Variants in BNIP5 observed in about 807,000 individuals in gnomAD.
BNIP5 encodes protein BNIP5.
Under a neutral mutation model 67.3 loss-of-function variants are expected in BNIP5, and 61 were observed. The observed-to-expected ratio is 0.91, with a 90% CI of 0.74 to 1.12. The LOEUF (loss-of-function observed/expected upper bound fraction) is 1.12. BNIP5 is among the 50% of genes most tolerant of loss of function. BNIP5 has a pLI of 0.00. For synonymous variants in BNIP5, 317 were observed against 319.0 expected (o/e 0.99, Z 0.07); for missense variants, 826 against 816.3 (o/e 1.01, Z -0.14).
chr6:36,333,013 A>G (rs1053012523), intron 1 of BNIP5, among the ~76,000 whole-genome samples: 1 of 152,228 alleles, frequency 6.6e-6, no homozygotes, highest in African/African-American at 2.4e-5. Flanking sequence ...AATGTATTCT[A>G]TTGCTATGCT....
At chr6:36,332,722 C>A (rs1771934823) in intron 1 of BNIP5, among the ~76,000 whole-genome samples, 1 of 152,116 alleles carries the variant, frequency 6.6e-6, no homozygotes, top group Non-Finnish European at 1.5e-5. Flanking sequence ...CCTTTCCCAC[C>A]TGGGCAGCAT....
At position 36,317,014 on chromosome 6, in the gene BNIP5, C is replaced by A. The variant is rs1003524147; in HGVS notation, c.*342G>T. 1 of 431,728 alleles carries A rather than the reference C, an allele frequency of 2.3e-6. No homozygotes were observed. The highest frequency in any genetic ancestry group is 4.1e-6 in the Non-Finnish European group (1 of 246,132). The allele number at this position is 431,728 out of a possible 1,614,324, so 26.7% of individuals were successfully genotyped here. A position where few individuals can be genotyped will look rare whatever the true frequency, so the allele number is the denominator to read the frequency against. ...GAACATCTGAGAAAATATCAGTAGG[C>A]CTTCTGGGTGGGATCCTAGACTCCA... On this transcript the variant is annotated 3_prime_UTR_variant, in exon 12 of 12. Transcript: ENST00000437635.
At chr6:36,323,972 C>T (rs1582126618) in intron 7 of BNIP5, among the ~76,000 whole-genome samples, 157 bp downstream of exon 7, 1 of 150,022 alleles carries the variant, frequency 6.7e-6, no homozygotes, top group East Asian at 2.0e-4. Flanking sequence ...TGTGCTTTAG[C>T]CTGGGCGACA....
intron 1 of BNIP5, among the ~76,000 whole-genome samples, chr6:36,335,165 G>T (rs1771986286): frequency 6.6e-6 from 1 of 152,220 alleles, no homozygotes; most frequent in Admixed American, 6.5e-5. Flanking sequence ...CAAGCTTGCT[G>T]CTGTGTGTTG....
In BNIP5 at chr6:36,323,373, G is replaced by C. The variant is rs773921580; in HGVS notation, c.1391C>G (p.Pro464Arg). The C allele has an allele frequency of 2.5e-6, 4 of 1,614,160 alleles. No individual in the cohort carries two copies. The highest frequency in any genetic ancestry group is 1.3e-5 in the African/African-American group (1 of 74,958). Residue 464 changes from proline (P) to arginine (R), a missense_variant, in exon 8 of 12, where the codon CCA (proline) becomes CGA (arginine). By Grantham distance (103) the Pro-to-Arg change is moderately radical. Coordinates refer to ENST00000437635, the MANE Select transcript of BNIP5 (RefSeq NM_001010903.5). ...RRAGAAGAAS[P>R]EARRPKRPSF... ...GGGCCTCTTGGGTCGTCGGGCCTCT[G>C]GGCTGGCAGCCCCTGCTGCCCCCGC...
chr6:36,322,711 C>T (rs1352127651), intron 8 of BNIP5, among the ~76,000 whole-genome samples: 2 of 152,188 alleles, frequency 1.3e-5, no homozygotes, highest in Admixed American at 6.5e-5. Flanking sequence ...CAAATGAACC[C>T]TTTCCCTCTG....
At chr6:36,326,252 C>T (rs73729943) in intron 5 of BNIP5, among the ~76,000 whole-genome samples, 68 of 152,300 alleles carry the variant, frequency 4.5e-4, no homozygotes, top group Middle Eastern at 3.4e-3. Flanking sequence ...GAAATGTTGA[C>T]GGTTGGGAAA....
intron 9 of BNIP5, among the ~76,000 whole-genome samples, chr6:36,321,704 T>C (rs1380041325): frequency 6.6e-6 from 1 of 152,204 alleles, no homozygotes; most frequent in South Asian, 2.1e-4. Context: ...TTCAGGAAAT[T>C]TGTGGACTAG....
At chr6:36,322,805 T>C (rs1025336368) in intron 8 of BNIP5, among the ~76,000 whole-genome samples, 7 of 152,120 alleles carry the variant, frequency 4.6e-5, no homozygotes, top group African/African-American at 1.4e-4. Flanking sequence ...CCTCACAGGG[T>C]TGCAAGCAGG....
chr6:36,334,125 G>C (rs1771963351), intron 1 of BNIP5, among the ~76,000 whole-genome samples: 1 of 152,234 alleles, frequency 6.6e-6, no homozygotes, highest in African/African-American at 2.4e-5. Context: ...AGGACACGCT[G>C]CTCCTCCTGA....
rs1771518955 is a variant in BNIP5, at chr6:36,316,522, A to G, written c.*834T>C. 1 of 398,688 alleles carries G rather than the reference A, an allele frequency of 2.5e-6. No individual in the cohort carries two copies. The allele number at this position is 398,688 out of a possible 1,614,324, so 24.7% of individuals were successfully genotyped here. A position where few individuals can be genotyped will look rare whatever the true frequency, so the allele number is the denominator to read the frequency against. On this transcript the variant is annotated 3_prime_UTR_variant, in exon 12 of 12. Transcript: ENST00000437635. ...GGACATGAATAGTACCTCCTGGAGT[A>G]TGGTGCTCTTGAGCAGTGCACCCCT...
At position 36,327,080 on chromosome 6, in the gene BNIP5, GA is replaced by G; in HGVS notation, c.741del (p.Gln248ArgfsTer2). 1 of 1,613,638 alleles carries G rather than the reference GA, an allele frequency of 6.2e-7. No homozygotes were observed. The highest frequency in any genetic ancestry group is 8.5e-7 in the Non-Finnish European group (1 of 1,179,518). On this transcript the variant is annotated frameshift_variant, in exon 4 of 12. Transcript: ENST00000437635. LOFTEE classifies it high-confidence loss of function. Reference sequence around the variant, plus strand: ...CTTTTGAGCAATTCCACTATCATCTGAATGATAGCATCCTCTGGAAGAAAGC... The same window carrying G: ...CTTTTGAGCAATTCCACTATCATCTGATGATAGCATCCTCTGGAAGAAAGC... Reference protein sequence around the residue: ...ELKKPDQDAIIQMIVELLKRV... With the variant: ...ELKKPDQDAIXQMIVELLKRV...
chr6:36,328,599 G>C lies in BNIP5; in HGVS notation c.726C>G (p.Asp242Glu). 1.9e-6 allele frequency: 3 copies of C among 1,604,906 alleles called. No individual in the cohort carries two copies. Among genetic ancestry groups the C allele is most frequent in the Non-Finnish European group, 2.6e-6 (3 of 1,171,560 alleles). The change falls in exon 3 of 12, where the codon GAC (aspartate) becomes GAG (glutamate). Residue 242 changes from aspartate to glutamate, a missense_variant and splice_region_variant. By Grantham distance (45) the Asp-to-Glu change is conservative. Coordinates refer to ENST00000437635, the MANE Select transcript of BNIP5 (RefSeq NM_001010903.5). ...AGGTCACTAGAGATTCCGACTCACG[G>C]TCAGGCTTTTTGAGCTCCTCTTCTT... Reference protein sequence around the residue: ...HQQEEELKKPDQDAIIQMIVE... With the variant: ...HQQEEELKKPEQDAIIQMIVE...
Position 36,330,402 on chromosome 6 carries a change from T to C in BNIP5, c.289A>G (p.Lys97Glu), listed in dbSNP as rs754627918. Residue 97 changes from lysine (K) to glutamate (E), a missense_variant, in exon 2 of 12, where the codon AAG becomes GAG. Coordinates refer to ENST00000437635, the MANE Select transcript of BNIP5 (RefSeq NM_001010903.5). ...SEQRPSQDTK[K>E]GWLKTMLNFF... is the part of the protein sequence containing the mutation. ...TTCAGCATGGTCTTCAGCCACCCCT[T>C]CTTGGTGTCTTGCGAAGGCCTCTGC... The C allele has an allele frequency of 1.9e-6, 3 of 1,614,106 alleles. No homozygotes were observed. The South Asian group carries it at 3.3e-5, about 18-fold the overall frequency.
Position 36,324,797 on chromosome 6 carries a change from C to A in BNIP5, c.1168+486G>T, listed in dbSNP as rs555965208. On this transcript the variant is annotated intron_variant, in intron 6 of 11. Transcript: ENST00000437635. ...CTCAAGCTGGGCCACCCAACAATGA[C>A]AATAATAGCAACAAATGGCACCTAA... Among the ~76,000 whole-genome samples the A allele has an allele frequency of 4.2e-3, 631 of 150,758 alleles. 2 individuals carry two copies. The highest frequency in any genetic ancestry group is 7.6e-3 in the Non-Finnish European group (517 of 67,640).
At chr6:36,319,182 T>C (rs1771578988) in intron 11 of BNIP5, among the ~76,000 whole-genome samples, 174 bp downstream of exon 11, 1 of 152,216 alleles carries the variant, frequency 6.6e-6, no homozygotes, top group Admixed American at 6.5e-5. Context: ...AAGGTTGTCA[T>C]GGTTTAGAAT....
rs758446154 is a variant in BNIP5, at chr6:36,317,346, GAC to G, written c.*8_*9del. ...CTAGTTCAAGGGAATTTGAGTGCAAGACACAGCTTTCAATCTGGACTTTCAAC... is the reference window on the plus strand; with the variant it reads ...CTAGTTCAAGGGAATTTGAGTGCAAGACAGCTTTCAATCTGGACTTTCAAC... On this transcript the variant is annotated 3_prime_UTR_variant, in exon 12 of 12. Coordinates refer to ENST00000437635, the MANE Select transcript of BNIP5 (RefSeq NM_001010903.5). 1 of 1,612,000 alleles carries G rather than the reference GAC, an allele frequency of 6.2e-7. No individual in the cohort carries two copies. Among genetic ancestry groups the G allele is most frequent in the Admixed American group, 1.7e-5 (1 of 60,014 alleles).
At chr6:36,317,606 C>T (rs1201031751) in intron 11 of BNIP5, among the ~76,000 whole-genome samples, 1 of 152,226 alleles carries the variant, frequency 6.6e-6, no homozygotes, top group Non-Finnish European at 1.5e-5. Context: ...AGCAACTCCA[C>T]CTCCTGGAAG....
intron 2 of BNIP5, among the ~76,000 whole-genome samples, chr6:36,329,766 A>G (rs1019805611): frequency 1.3e-5 from 2 of 152,066 alleles, no homozygotes; most frequent in Admixed American, 1.3e-4. Context: ...AGCCAAGATC[A>G]TGCCACTGCA....
Sources: gnomAD v4.1 joint callset for allele counts (sites outside exome capture counted in the v4.1 genomes callset) on GRCh38, gnomAD v4.1.1 for gene constraint, MANE v1.5 for transcripts, NCBI Gene and HGNC (gene_info 2026-07-23, HGNC 2026-07-21) for gene names.